Variants in ABCB5 observed in about 807,000 individuals in gnomAD.
ABCB5 encodes the protein ATP-binding cassette sub-family B member 5.
In ABCB5, 155 loss-of-function variants were observed where a neutral mutation model predicts 144.2. That is an observed-to-expected ratio of 1.08 (90% CI 0.94 to 1.23). The LOEUF is 1.23. ABCB5 is among the 50% of genes most tolerant of loss of function. The pLI is 0.00. For missense variants in ABCB5, 1,830 were observed against 1,520.8 expected (o/e 1.20, Z -3.38); for synonymous variants, 610 against 528.6 (o/e 1.15, Z -2.11).
At chr7:20,735,718 T>G (rs944951083) in intron 23 of ABCB5, among the ~76,000 whole-genome samples, 6 of 152,084 alleles carry the variant, frequency 3.9e-5, no homozygotes, top group Non-Finnish European at 8.8e-5. Flanking sequence ...AACTCCAACA[T>G]GTAGGAAAAG....
chr7:20,703,823 C>T lies in ABCB5; in HGVS notation c.2338-901C>T, dbSNP rs181539185. On this transcript the variant is annotated intron_variant, in intron 19 of 27. Coordinates refer to ENST00000404938, the MANE Select transcript of ABCB5 (RefSeq NM_001163941.2). The stretch of plus-strand genomic sequence containing the variant: ...AAATAAAATTGGTTATTACATTATA[C>T]TTTTATTGCTTGTAATTTTGACGTG... Among the ~76,000 whole-genome samples, 394 of 152,210 alleles carry T rather than the reference C, an allele frequency of 2.6e-3. 6 individuals carry two copies. Among genetic ancestry groups the T allele is most frequent in the African/African-American group, 9.1e-3 (376 of 41,536 alleles).
Position 20,658,686 on chromosome 7 carries a change from C to T in ABCB5, c.1707+10C>T. 6.2e-7 allele frequency: 1 copy of T among 1,612,070 alleles called. No individual in the cohort carries two copies. Among genetic ancestry groups the T allele is most frequent in the Non-Finnish European group, 8.5e-7 (1 of 1,179,336 alleles). On this transcript the variant is annotated intron_variant, in intron 14 of 27. Transcript: ENST00000404938. ...AGCTGCACTGGAGAAGGTAAGTGAG[C>T]AGAAACGTTTCTTATTTCCATACTC...
intron 5 of ABCB5, among the ~76,000 whole-genome samples, chr7:20,636,728 T>C (rs930854972): frequency 7.3e-6 from 1 of 136,854 alleles, no homozygotes; most frequent in Non-Finnish European, 1.5e-5. Flanking sequence ...GAGGTTGCAG[T>C]GAGCTGAGAT....
intron 16 of ABCB5, among the ~76,000 whole-genome samples, chr7:20,694,952 A>G (rs1786357169): frequency 1.3e-5 from 2 of 152,084 alleles, no homozygotes; most frequent in East Asian, 3.8e-4. Context: ...AGAAAAATAG[A>G]CTAAATAAAT....
At chr7:20,688,902 G>A (rs1786103154) in intron 16 of ABCB5, among the ~76,000 whole-genome samples, 1 of 152,018 alleles carries the variant, frequency 6.6e-6, no homozygotes, top group South Asian at 2.1e-4. Context: ...TCACTCATAG[G>A]TGGGAATTGA....
At chr7:20,634,183 C>CA (rs11389031) in intron 5 of ABCB5, among the ~76,000 whole-genome samples, 112,797 of 144,860 alleles carry the variant, frequency 0.78, 44,068 homozygotes, top group African/African-American at 0.86. Context: ...CATGTTGCTG[C>CA]AAAAAAAAAA....
At chr7:20,714,917 T>C (rs1396901369) in intron 20 of ABCB5, among the ~76,000 whole-genome samples, 2 of 152,240 alleles carry the variant, frequency 1.3e-5, no homozygotes, top group Non-Finnish European at 2.9e-5. Flanking sequence ...GACATGACTC[T>C]CAAATATTTG....
chr7:20,734,779 A>G (rs1782331324), intron 23 of ABCB5, among the ~76,000 whole-genome samples: 1 of 152,166 alleles, frequency 6.6e-6, no homozygotes. Flanking sequence ...CCTTACAGAC[A>G]AGGCATAGGG....
intron 14 of ABCB5, among the ~76,000 whole-genome samples, chr7:20,665,845 T>G (rs1316131336): frequency 7.0e-6 from 1 of 143,148 alleles, no homozygotes; most frequent in Non-Finnish European, 1.5e-5. Flanking sequence ...GAGCTTCTAT[T>G]TGTTGAAAGG....
In ABCB5 at chr7:20,755,708, T is replaced by C. The variant is rs1212577688; in HGVS notation, c.*84T>C. 4.9e-6 allele frequency: 6 copies of C among 1,234,278 alleles called. No homozygotes were observed. Among genetic ancestry groups the C allele is most frequent in the Non-Finnish European group, 5.8e-6 (5 of 863,494 alleles). 76.5% of individuals were successfully genotyped at this position (1,234,278 alleles called of 1,614,324 possible). On this transcript the variant is annotated 3_prime_UTR_variant, in exon 28 of 28. Transcript: ENST00000404938. ...AATTACTTGGCAAGCTTTGATCTCT[T>C]TTATTGCATATATCAATACCTAGAA...
chr7:20,631,791 G>C (rs1784043546), intron 4 of ABCB5, among the ~76,000 whole-genome samples: 2 of 152,128 alleles, frequency 1.3e-5, no homozygotes, highest in African/African-American at 2.4e-5. Context: ...TCTGATCAGA[G>C]ATGTCCCAAA....
At chr7:20,739,260 T>G in intron 24 of ABCB5, 121 bp downstream of exon 24, 3 of 988,004 alleles carry the variant, frequency 3.0e-6, no homozygotes, top group Non-Finnish European at 4.2e-6. Context: ...GGTGCTATAC[T>G]CAGTACCTGT....
At position 20,752,658 on chromosome 7, in the gene ABCB5, C is replaced by T. The variant is rs142099907; in HGVS notation, c.3430-702C>T. 9.7e-3 allele frequency among the ~76,000 whole-genome samples: 1,482 copies of T among 152,210 alleles called. 26 individuals carry two copies. The highest frequency in any genetic ancestry group is 0.033 in the African/African-American group (1,387 of 41,532). ...GGTCAGGAATTCATGACCAGCCTGG[C>T]CAACGTGGTGAAACCTCATCTCTAC... On this transcript the variant is annotated intron_variant, in intron 26 of 27. Transcript: ENST00000404938.
At chr7:20,735,493 A>G (rs1782353793) in intron 23 of ABCB5, among the ~76,000 whole-genome samples, 1 of 152,208 alleles carries the variant, frequency 6.6e-6, no homozygotes, top group South Asian at 2.1e-4. Flanking sequence ...GTTACACAAA[A>G]CAAAGAAAAC....
At chr7:20,652,233 T>C (rs1784618812) in intron 13 of ABCB5, among the ~76,000 whole-genome samples, 1 of 152,106 alleles carries the variant, frequency 6.6e-6, no homozygotes, top group African/African-American at 2.4e-5. Context: ...AGAAAAACTA[T>C]GATCATTTTT....
At chr7:20,707,578 T>A (rs1258405363) in intron 20 of ABCB5, among the ~76,000 whole-genome samples, 10 of 152,226 alleles carry the variant, frequency 6.6e-5, no homozygotes, top group Non-Finnish European at 8.8e-5. Context: ...CCAAAAGTCT[T>A]ATTTCATTTT....
At chr7:20,648,136 A>G in intron 11 of ABCB5, 58 bp downstream of exon 11, 10 of 1,055,262 alleles carry the variant, frequency 9.5e-6, no homozygotes, top group Non-Finnish European at 1.4e-5. Context: ...TCTACTGGCC[A>G]AGATCTTCTC....
At position 20,734,668 on chromosome 7, in the gene ABCB5, A is replaced by G. The variant is rs117006422; in HGVS notation, c.2868-4315A>G. On this transcript the variant is annotated intron_variant, in intron 23 of 27. Transcript: ENST00000404938. ...AGCCTCTAAAAGAAAAAAAAAGACAACACGCATGTCTTATGGTAGAAGCCG... is the reference window on the plus strand; with the variant it reads ...AGCCTCTAAAAGAAAAAAAAAGACAGCACGCATGTCTTATGGTAGAAGCCG... Among the ~76,000 whole-genome samples the G allele has an allele frequency of 1.5e-3, 223 of 152,086 alleles. 4 individuals carry two copies. In the East Asian group the frequency reaches 0.034, roughly 23 times the overall value.
chr7:20,731,159 C>G (rs931459153), intron 23 of ABCB5, among the ~76,000 whole-genome samples: 1 of 151,784 alleles, frequency 6.6e-6, no homozygotes, highest in Non-Finnish European at 1.5e-5. Flanking sequence ...TCAAGACTAG[C>G]CTGGCCAACA....
Sources: gnomAD v4.1 joint callset for allele counts (sites outside exome capture counted in the v4.1 genomes callset) on GRCh38, gnomAD v4.1.1 for gene constraint, MANE v1.5 for transcripts, NCBI Gene and HGNC (gene_info 2026-07-23, HGNC 2026-07-21) for gene names.